The following DYNLL2 variants were observed in gnomAD, a reference collection of about 807,000 sequenced individuals.
DYNLL2 encodes dynein light chain LC8-type 2.
DYNLL2 carries 1 observed loss-of-function variant against 9.7 expected under a neutral mutation model. The observed-to-expected ratio is 0.10, with a 90% CI of 0.04 to 0.49. The LOEUF (loss-of-function observed/expected upper bound fraction) is 0.49. DYNLL2 is among the 20% of genes least tolerant of loss of function. The pLI, the probability that DYNLL2 is intolerant of heterozygous loss-of-function variation, is 0.95. For synonymous variants in DYNLL2, 35 were observed against 40.5 expected (o/e 0.86, Z 0.52); for missense variants, 37 against 115.2 (o/e 0.32, Z 3.11).
rs1017313066 is a variant in DYNLL2, at chr17:58,092,706, A to G, written c.*3427A>G. ...AGTCCCCCTCCCCACTGGGAACAGC[A>G]GGAAAGGGCAAGGTGGTGACAATCT... On this transcript the variant is annotated 3_prime_UTR_variant, in exon 3 of 3. Transcript: ENST00000579991. 3 of 152,290 alleles carry G rather than the reference A, an allele frequency of 2.0e-5. No homozygotes were observed. Among genetic ancestry groups the G allele is most frequent in the African/African-American group, 7.2e-5 (3 of 41,456 alleles). The allele number at this position is 152,290 out of a possible 1,614,324, so 9.4% of individuals were successfully genotyped here.
chr17:58,090,039 T>C lies in DYNLL2; in HGVS notation c.*760T>C, dbSNP rs1769526618. The C allele has an allele frequency of 2.5e-6, 1 of 397,132 alleles. No individual in the cohort carries two copies. The highest frequency in any genetic ancestry group is 2.1e-5 in the African/African-American group (1 of 48,568). The allele number at this position is 397,132 out of a possible 1,614,324, so 24.6% of individuals were successfully genotyped here. A position where few individuals can be genotyped will look rare whatever the true frequency, so the allele number is the denominator to read the frequency against. On this transcript the variant is annotated 3_prime_UTR_variant, in exon 3 of 3. Transcript: ENST00000579991. The stretch of plus-strand genomic sequence containing the variant: ...GGGTAGGATTAGCTTGAATCTTTTT[T>C]TTCTTTACATTTTTCTCCTGTCTGC...
intron 2 of DYNLL2, among the ~76,000 whole-genome samples, 199 bp downstream of exon 2, chr17:58,087,421 G>A (rs2075764095): frequency 1.1e-5 from 1 of 92,308 alleles, no homozygotes; most frequent in African/African-American, 3.6e-5. Context: ...TAATAGCTCT[G>A]CCAGGTGTGT....
chr17:58,086,107 A>G (rs2075759000), intron 1 of DYNLL2, among the ~76,000 whole-genome samples: 1 of 152,184 alleles, frequency 6.6e-6, no homozygotes, highest in Admixed American at 6.5e-5. Flanking sequence ...CGACCAGCCA[A>G]GTCTGAGGTT....
In DYNLL2 at chr17:58,089,671, T is replaced by C. The variant is rs2075773108; in HGVS notation, c.*392T>C. On this transcript the variant is annotated 3_prime_UTR_variant, in exon 3 of 3. Transcript: ENST00000579991. Reference sequence around the variant, plus strand: ...GTCTCTGGAGGTGGAACTAAAACTGTGCAGCTGCCTCTTCCTGGCGGTGGA... The same window carrying C: ...GTCTCTGGAGGTGGAACTAAAACTGCGCAGCTGCCTCTTCCTGGCGGTGGA... 2.4e-6 allele frequency: 1 copy of C among 410,464 alleles called. No individual in the cohort carries two copies. Among genetic ancestry groups the C allele is most frequent in the East Asian group, 3.5e-5 (1 of 28,234 alleles). The allele number at this position is 410,464 out of a possible 1,614,324, so 25.4% of individuals were successfully genotyped here. A position where few individuals can be genotyped will look rare whatever the true frequency, so the allele number is the denominator to read the frequency against.
Position 58,094,728 on chromosome 17 carries a change from A to C in DYNLL2, c.*5449A>C, listed in dbSNP as rs2075792176. The C allele has an allele frequency of 6.6e-6, 1 of 152,218 alleles. No individual in the cohort carries two copies. Among genetic ancestry groups the C allele is most frequent in the Admixed American group, 6.5e-5 (1 of 15,284 alleles). The allele number at this position is 152,218 out of a possible 1,614,324, so 9.4% of individuals were successfully genotyped here. A position where few individuals can be genotyped will look rare whatever the true frequency, so the allele number is the denominator to read the frequency against. Reference sequence around the variant, plus strand: ...ATTCTAGAACATTTTTATCACCCCCAAAAGAAATCATGTACCCATTTGCAG... The same window carrying C: ...ATTCTAGAACATTTTTATCACCCCCCAAAGAAATCATGTACCCATTTGCAG... On this transcript the variant is annotated 3_prime_UTR_variant, in exon 3 of 3. Coordinates refer to ENST00000579991, the MANE Select transcript of DYNLL2 (RefSeq NM_080677.3).
intron 1 of DYNLL2, among the ~76,000 whole-genome samples, chr17:58,085,707 G>T (rs912227227): frequency 6.6e-6 from 1 of 152,170 alleles, no homozygotes; most frequent in Non-Finnish European, 1.5e-5. Flanking sequence ...GGCATGAATG[G>T]CATGGCCTTG....
chr17:58,088,990 T>G, intron 2 of DYNLL2, 152 bp from the exon 3 acceptor site: 4 of 863,942 alleles, frequency 4.6e-6, no homozygotes, highest in African/African-American at 1.7e-5. Flanking sequence ...ACCTGAGCTT[T>G]TGAGGTTCGG....
At position 58,093,030 on chromosome 17, in the gene DYNLL2, T is replaced by A. The variant is rs2075785994; in HGVS notation, c.*3751T>A. The A allele has an allele frequency of 6.6e-6, 1 of 152,384 alleles. No homozygotes were observed. The highest frequency in any genetic ancestry group is 3.4e-3 in the Middle Eastern group (1 of 294). The allele number at this position is 152,384 out of a possible 1,614,324, so 9.4% of individuals were successfully genotyped here. A position where few individuals can be genotyped will look rare whatever the true frequency, so the allele number is the denominator to read the frequency against. ...TTTGTTTTTTGTTTACTTTCTGGCC[T>A]GTGACAACTAGAATATAAGCTCTGT... On this transcript the variant is annotated 3_prime_UTR_variant, in exon 3 of 3. Coordinates refer to ENST00000579991, the MANE Select transcript of DYNLL2 (RefSeq NM_080677.3).
Position 58,091,589 on chromosome 17 carries a change from A to G in DYNLL2, c.*2310A>G, listed in dbSNP as rs2075780348. The G allele has an allele frequency of 6.6e-6, 1 of 152,038 alleles. No homozygotes were observed. Among genetic ancestry groups the G allele is most frequent in the South Asian group, 2.1e-4 (1 of 4,816 alleles). 9.4% of individuals were successfully genotyped at this position (152,038 alleles called of 1,614,324 possible). On this transcript the variant is annotated 3_prime_UTR_variant, in exon 3 of 3. Transcript: ENST00000579991. ...CTTTTGCCCAAAGCTCTTATCTTTC[A>G]TACTCCTCCCTTCTCGGCTTTCCTG...
rs754525149 is a variant in DYNLL2 at position 58,089,091 on chromosome 17, C to G, written c.133-51C>G. 6.8e-6 allele frequency: 11 copies of G among 1,608,536 alleles called. 1 individual carries two copies. The South Asian group carries it at 1.2e-4, about 18-fold the overall frequency. ...GGAGAGACTCCCATTCTGATTTCTC[C>G]TTCTCCAGCTACCCTAATTACCTTT... On this transcript the variant is annotated intron_variant, in intron 2 of 2. Coordinates refer to ENST00000579991, the MANE Select transcript of DYNLL2 (RefSeq NM_080677.3).
chr17:58,089,334 T>A lies in DYNLL2; in HGVS notation c.*55T>A. On this transcript the variant is annotated 3_prime_UTR_variant, in exon 3 of 3. Transcript: ENST00000579991. ...GGCAGCGATGGCAAGCAGGCGGCGT[T>A]GCTGGGACTGTTTTGCACTGGAGCC... The A allele has an allele frequency of 1.2e-6, 2 of 1,600,280 alleles. No individual in the cohort carries two copies. The highest frequency in any genetic ancestry group is 1.7e-6 in the Non-Finnish European group (2 of 1,172,086).
rs187859298 is a variant in DYNLL2, at chr17:58,089,468, G to A, written c.*189G>A. The A allele has an allele frequency of 3.1e-6, 2 of 641,394 alleles. No individual in the cohort carries two copies. The highest frequency in any genetic ancestry group is 6.5e-5 in the East Asian group (2 of 30,662). The allele number at this position is 641,394 out of a possible 1,614,324, so 39.7% of individuals were successfully genotyped here. The stretch of plus-strand genomic sequence containing the variant: ...CAAACCTCTTTCTGTTTAGTTGCCT[G>A]GGGGAAGAAGGCTGCTTTATGTTTA... On this transcript the variant is annotated 3_prime_UTR_variant, in exon 3 of 3. Coordinates refer to ENST00000579991, the MANE Select transcript of DYNLL2 (RefSeq NM_080677.3).
At chr17:58,087,317 C>CG in intron 2 of DYNLL2, 95 bp downstream of exon 2, 1 of 1,527,324 alleles carries the variant, frequency 6.5e-7, no homozygotes, top group Non-Finnish European at 8.8e-7. Flanking sequence ...TAAGAAAGCC[C>CG]GTATATCCTG....
At chr17:58,088,839 G>C (rs1273495309) in intron 2 of DYNLL2, among the ~76,000 whole-genome samples, 1 of 152,152 alleles carries the variant, frequency 6.6e-6, no homozygotes, top group Non-Finnish European at 1.5e-5. Flanking sequence ...GTGGGCTAGG[G>C]GTGGCGTGAG....
chr17:58,089,463 T>G lies in DYNLL2; in HGVS notation c.*184T>G. ...AAAACCAAACCTCTTTCTGTTTAGT[T>G]GCCTGGGGGAAGAAGGCTGCTTTAT... On this transcript the variant is annotated 3_prime_UTR_variant, in exon 3 of 3. Transcript: ENST00000579991. The G allele has an allele frequency of 1.4e-6, 1 of 697,690 alleles. No homozygotes were observed. Among genetic ancestry groups the G allele is most frequent in the Admixed American group, 3.8e-5 (1 of 26,308 alleles). The allele number at this position is 697,690 out of a possible 1,614,324, so 43.2% of individuals were successfully genotyped here.
intron 2 of DYNLL2, among the ~76,000 whole-genome samples, chr17:58,088,688 A>G (rs532110055): frequency 6.6e-6 from 1 of 152,238 alleles, no homozygotes; most frequent in African/African-American, 2.4e-5. Context: ...GTTTTGCTCT[A>G]ATGCCTTGGT....
chr17:58,091,555 C>G lies in DYNLL2; in HGVS notation c.*2276C>G, dbSNP rs2075780181. On this transcript the variant is annotated 3_prime_UTR_variant, in exon 3 of 3. Coordinates refer to ENST00000579991, the MANE Select transcript of DYNLL2 (RefSeq NM_080677.3). ...CCGTCATGGACCTGCCTGAGCTTTG[C>G]TGCTTCAACTTTTGCCCAAAGCTCT... 4 of 152,208 alleles carry G rather than the reference C, an allele frequency of 2.6e-5. No individual in the cohort carries two copies. 9.4% of individuals were successfully genotyped at this position (152,208 alleles called of 1,614,324 possible).
intron 1 of DYNLL2, among the ~76,000 whole-genome samples, chr17:58,084,929 C>T (rs1598087398): frequency 6.6e-6 from 1 of 151,926 alleles, no homozygotes; most frequent in African/African-American, 2.4e-5. Flanking sequence ...ATGTAAGAAC[C>T]TTTCTCCCTG....
rs1027637734 is a variant in DYNLL2 at position 58,092,614 on chromosome 17, C to A, written c.*3335C>A. 2 of 152,212 alleles carry A rather than the reference C, an allele frequency of 1.3e-5. No homozygotes were observed. Among genetic ancestry groups the A allele is most frequent in the Non-Finnish European group, 2.9e-5 (2 of 68,066 alleles). The allele number at this position is 152,212 out of a possible 1,614,324, so 9.4% of individuals were successfully genotyped here. ...TCCTGTTCTCCAGTCTTCTGGGGAC[C>A]CCCTTTGACTGAACCCAACCAAATG... On this transcript the variant is annotated 3_prime_UTR_variant, in exon 3 of 3. Transcript: ENST00000579991.
Sources: allele counts gnomAD v4.1 joint callset (sites outside exome capture counted in the v4.1 genomes callset), GRCh38; gene constraint gnomAD v4.1.1; transcripts MANE v1.5; gene names NCBI Gene and HGNC (gene_info 2026-07-23, HGNC 2026-07-21).